Variants in CRYZ observed in about 807,000 individuals in gnomAD.
The protein encoded by CRYZ is zeta-crystallin.
In CRYZ, 35 loss-of-function variants were observed where a neutral mutation model predicts 34.1. The observed-to-expected ratio is 1.03, with a 90% confidence interval of 0.78 to 1.36. The LOEUF (loss-of-function observed/expected upper bound fraction) is 1.36. Ranked by LOEUF, CRYZ falls within the 40% of genes most tolerant of loss-of-function variation. The pLI is 0.00. For missense variants in CRYZ, 403 were observed against 391.8 expected (o/e 1.03, Z -0.24); for synonymous variants, 137 against 136.5 (o/e 1.00, Z -0.03).
chr1:74,706,558 AG>A (rs1252866785), intron 8 of CRYZ, 101 bp from the exon 9 acceptor site: 2 of 1,083,914 alleles, frequency 1.8e-6, no homozygotes, highest in Non-Finnish European at 2.6e-6. Flanking sequence ...TACCATGAAG[AG>A]TCTCTTACAA....
At chr1:74,724,265 T>A (rs1647226148) in intron 2 of CRYZ, among the ~76,000 whole-genome samples, 1 of 152,150 alleles carries the variant, frequency 6.6e-6, no homozygotes, top group Non-Finnish European at 1.5e-5. Context: ...ATACATAATT[T>A]AAAATCAAAA....
At position 74,706,445 on chromosome 1, in the gene CRYZ, G is replaced by A; in HGVS notation, c.841C>T (p.Gln281Ter). ...LFSSTKEEFQ[Q>*]YAAALQAGME... ...CCAGCTTGAAGGGCTGCTGCATATT[G>A]CTGAAATTCCTCCTAAGAAAAGGAA... The change falls in exon 9 of 9, where the codon CAA (glutamine) becomes TAA (stop). Residue 281 changes from glutamine (Q) to a stop codon, truncating the protein, a stop_gained. Coordinates refer to ENST00000340866, the MANE Select transcript of CRYZ (RefSeq NM_001889.4). LOFTEE classifies it high-confidence loss of function. 1 of 1,593,148 alleles carries A rather than the reference G, an allele frequency of 6.3e-7. No individual in the cohort carries two copies. The highest frequency in any genetic ancestry group is 8.5e-7 in the Non-Finnish European group (1 of 1,174,124).
intron 5 of CRYZ, among the ~76,000 whole-genome samples, chr1:74,711,901 T>TAC (rs1317214505): frequency 2.6e-5 from 4 of 152,026 alleles, no homozygotes; most frequent in Admixed American, 1.3e-4. Flanking sequence ...TTCATTATCT[T>TAC]ACGGATGGTA....
intron 4 of CRYZ, among the ~76,000 whole-genome samples, chr1:74,716,483 C>T (rs553655660): frequency 6.6e-6 from 1 of 152,096 alleles, no homozygotes; most frequent in South Asian, 2.1e-4. Context: ...TCTCTCCCAC[C>T]CCAAATCCAG....
At chr1:74,713,553 C>G (rs1351785736) in intron 5 of CRYZ, among the ~76,000 whole-genome samples, 2 of 152,070 alleles carry the variant, frequency 1.3e-5, no homozygotes, top group Non-Finnish European at 2.9e-5. Context: ...TAGAATTGAT[C>G]TATTTGAAGT....
Position 74,723,452 on chromosome 1 carries a change from T to G in CRYZ, c.112-182A>C, listed in dbSNP as rs1253326223. Among the ~76,000 whole-genome samples the G allele has an allele frequency of 2.6e-5, 4 of 152,202 alleles. No homozygotes were observed. In the South Asian group the frequency reaches 6.2e-4, roughly 24 times the overall value. Reference sequence around the variant, plus strand: ...GCTAACATAAATAAGTATGACAGAATGGCTTATGTACTGCATTAAAAACAT... The same window carrying G: ...GCTAACATAAATAAGTATGACAGAAGGGCTTATGTACTGCATTAAAAACAT... On this transcript the variant is annotated intron_variant, in intron 2 of 8. Coordinates refer to ENST00000340866, the MANE Select transcript of CRYZ (RefSeq NM_001889.4).
chr1:74,729,640 C>T (rs1033497017), intron 1 of CRYZ, among the ~76,000 whole-genome samples: 13 of 140,286 alleles, frequency 9.3e-5, no homozygotes, highest in African/African-American at 3.3e-4. Context: ...GAGTGAGACC[C>T]TGTCTCAAAA....
chr1:74,710,194 G>A lies in CRYZ; in HGVS notation c.534C>T (p.Gly178=). The change falls in exon 6 of 9, where the codon GGC becomes GGT. Residue 178 remains glycine, a synonymous_variant. Transcript: ENST00000340866. ...TTTGTCCTTCCTCAGTACCAGCAGT[G>A]CCCAAAATCTTTAAGCCATAAGCTC... ...IARAYGLKIL[G]TAGTEEGQKI... 1 of 1,613,760 alleles carries A rather than the reference G, an allele frequency of 6.2e-7. No individual in the cohort carries two copies. The highest frequency in any genetic ancestry group is 8.5e-7 in the Non-Finnish European group (1 of 1,179,812).
At position 74,732,989 on chromosome 1, in the gene CRYZ, G is replaced by C. The variant is rs1240770096; in HGVS notation, c.-47C>G. On this transcript the variant is annotated 5_prime_UTR_variant, in exon 1 of 9. Coordinates refer to ENST00000340866, the MANE Select transcript of CRYZ (RefSeq NM_001889.4). The stretch of plus-strand genomic sequence containing the variant: ...AGAGTGGGAATTAAAATCTGCGTGG[G>C]CTTCTTCAGATTCCACAGAAATGAG... The C allele has an allele frequency of 4.0e-6, 2 of 496,968 alleles. No individual in the cohort carries two copies. Among genetic ancestry groups the C allele is most frequent in the East Asian group, 7.0e-5 (2 of 28,764 alleles). 30.8% of individuals were successfully genotyped at this position (496,968 alleles called of 1,614,324 possible). A position where few individuals can be genotyped will look rare whatever the true frequency, so the allele number is the denominator to read the frequency against.
rs770353016 is a variant in CRYZ, at chr1:74,724,674, T to G, written c.111+37A>C. 6 of 1,274,802 alleles carry G rather than the reference T, an allele frequency of 4.7e-6. No homozygotes were observed. In the South Asian group the frequency reaches 7.5e-5, roughly 16 times the overall value. 79.0% of individuals were successfully genotyped at this position (1,274,802 alleles called of 1,614,324 possible). A position where few individuals can be genotyped will look rare whatever the true frequency, so the allele number is the denominator to read the frequency against. ...CAATGTGCAAGAGACTCACACTCAG[T>G]ATAATTATAGCCTCAATAAAGTAAT... On this transcript the variant is annotated intron_variant, in intron 2 of 8. Transcript: ENST00000340866.
chr1:74,726,957 A>T (rs986797113), intron 1 of CRYZ, among the ~76,000 whole-genome samples: 1 of 151,950 alleles, frequency 6.6e-6, no homozygotes, highest in Admixed American at 6.6e-5. Flanking sequence ...AACAAAAGTC[A>T]CCTTTGCTCA....
rs754346722 is a variant in CRYZ at position 74,710,250 on chromosome 1, G to C, written c.481-3C>G. The C allele has an allele frequency of 2.2e-5, 35 of 1,612,686 alleles. No individual in the cohort carries two copies. The highest frequency in any genetic ancestry group is 2.9e-5 in the Non-Finnish European group (34 of 1,179,556). On this transcript the variant is annotated splice_polypyrimidine_tract_variant and splice_region_variant and intron_variant, in intron 5 of 8. Transcript: ENST00000340866. ...ATTTGGCATGCTGCTAATCCAACCTGAAAAACAAATATAACCCAAGAGTTA... is the reference window on the plus strand; with the variant it reads ...ATTTGGCATGCTGCTAATCCAACCTCAAAAACAAATATAACCCAAGAGTTA...
chr1:74,714,426 T>A (rs1647043865), intron 5 of CRYZ, among the ~76,000 whole-genome samples, 153 bp downstream of exon 5: 1 of 152,070 alleles, frequency 6.6e-6, no homozygotes, highest in Non-Finnish European at 1.5e-5. Flanking sequence ...AACATCACCT[T>A]CAGAAGACCA....
chr1:74,706,117 AT>A lies in CRYZ; in HGVS notation c.*178del, dbSNP rs545033288. 77 of 492,054 alleles carry A rather than the reference AT, an allele frequency of 1.6e-4. No individual in the cohort carries two copies. Among genetic ancestry groups the A allele is most frequent in the Admixed American group, 1.4e-3 (38 of 26,222 alleles). 30.5% of individuals were successfully genotyped at this position (492,054 alleles called of 1,614,324 possible). A position where few individuals can be genotyped will look rare whatever the true frequency, so the allele number is the denominator to read the frequency against. On this transcript the variant is annotated 3_prime_UTR_variant, in exon 9 of 9. Coordinates refer to ENST00000340866, the MANE Select transcript of CRYZ (RefSeq NM_001889.4). ...GATTTGAGACAGATGGCATAAAAAAATATTGCTAGCTATACAATAAATTTTA... is the reference window on the plus strand; with the variant it reads ...GATTTGAGACAGATGGCATAAAAAAAATTGCTAGCTATACAATAAATTTTA...
intron 6 of CRYZ, chr1:74,708,914 A>G (rs1646965842): frequency 6.6e-6 from 1 of 152,174 alleles, no homozygotes; most frequent in Non-Finnish European, 1.5e-5. Context: ...CAGGAAAGTA[A>G]GAAGAGAACC....
In CRYZ at chr1:74,723,208, A is replaced by G; in HGVS notation, c.174T>C (p.Thr58=). The G allele has an allele frequency of 1.2e-6, 2 of 1,614,074 alleles. No individual in the cohort carries two copies. Among genetic ancestry groups the G allele is most frequent in the Non-Finnish European group, 1.7e-6 (2 of 1,179,922 alleles). ...AGGGTAAGAGTGGTTTTCTACTATAAGTACCAGAGCGAATGTATGTCTCCA... is the reference window on the plus strand; with the variant it reads ...AGGGTAAGAGTGGTTTTCTACTATAGGTACCAGAGCGAATGTATGTCTCCA... ...NPVETYIRSG[T]YSRKPLLPYT... The change falls in exon 3 of 9, where the codon ACT becomes ACC. Residue 58 remains threonine (T), a synonymous_variant. Coordinates refer to ENST00000340866, the MANE Select transcript of CRYZ (RefSeq NM_001889.4).
chr1:74,715,991 G>C (rs1489006731), intron 4 of CRYZ, among the ~76,000 whole-genome samples: 1 of 151,880 alleles, frequency 6.6e-6, no homozygotes, highest in East Asian at 1.9e-4. Flanking sequence ...ATGTGGGTGG[G>C]CCTCATCCAA....
intron 1 of CRYZ, chr1:74,730,364 C>T (rs1647646417): frequency 6.6e-6 from 1 of 152,210 alleles, no homozygotes; most frequent in African/African-American, 2.4e-5. Context: ...AACCTGCACT[C>T]ATTGCCTTTG....
chr1:74,731,964 A>G (rs1570035414), intron 1 of CRYZ, among the ~76,000 whole-genome samples: 1 of 152,276 alleles, frequency 6.6e-6, no homozygotes, highest in South Asian at 2.1e-4. Flanking sequence ...ATTTCTCTCA[A>G]AGACTGCAAT....
Sources: allele counts gnomAD v4.1 joint callset (sites outside exome capture counted in the v4.1 genomes callset), GRCh38; gene constraint gnomAD v4.1.1; transcripts MANE v1.5; gene names NCBI Gene and HGNC (gene_info 2026-07-23, HGNC 2026-07-21).